The following ATRNL1 variants were observed in gnomAD, a reference collection of about 807,000 sequenced individuals.
The protein encoded by ATRNL1 is attractin-like protein 1.
In ATRNL1, 95 loss-of-function variants were observed where a neutral mutation model predicts 182.7. The ratio of observed to expected loss-of-function variants is 0.52; its 90% CI spans 0.44 to 0.62. ATRNL1 has a LOEUF of 0.62. Among genes scored for constraint, ATRNL1 ranks in the 20% least tolerant of loss-of-function variants. The pLI is 0.00. For missense variants in ATRNL1, 1,471 were observed against 1,679.5 expected, an observed-to-expected ratio of 0.88 and a Z score of 2.17; for synonymous variants, 576 against 568.3, an observed-to-expected ratio of 1.01 and a Z score of -0.19.
At chr10:115,634,526 TAGTCCATTAAGCCTA>T (rs1478287350) in intron 26 of ATRNL1, among the ~76,000 whole-genome samples, 1 of 152,134 alleles carries the variant, frequency 6.6e-6, no homozygotes, top group African/African-American at 2.4e-5. Flanking sequence ...TATAATTTAA[TAGTCCATTAAGCCTA>T]ATGGAGTTAT....
intron 20 of ATRNL1, 82 bp downstream of exon 20, chr10:115,394,834 A>C: frequency 9.2e-7 from 1 of 1,082,214 alleles, no homozygotes; most frequent in East Asian, 2.5e-5. Flanking sequence ...TTTTTAATTT[A>C]GTGTTGTGCT....
At chr10:115,560,718 GA>G (rs1554999214) in intron 26 of ATRNL1, among the ~76,000 whole-genome samples, 1 of 146,654 alleles carries the variant, frequency 6.8e-6, no homozygotes, top group Non-Finnish European at 1.5e-5. Flanking sequence ...AAACATTCTT[GA>G]AAAAGAACAA....
chr10:115,850,147 G>A lies in ATRNL1; in HGVS notation c.4018+2156G>A, dbSNP rs533268971. Among the ~76,000 whole-genome samples, 5 of 152,260 alleles carry A rather than the reference G, an allele frequency of 3.3e-5. No homozygotes were observed. In the East Asian group the frequency reaches 9.7e-4, roughly 29 times the overall value. On this transcript the variant is annotated intron_variant, in intron 28 of 28. Coordinates refer to ENST00000355044, the MANE Select transcript of ATRNL1 (RefSeq NM_207303.4). ...TTATCTGCATCAATTTGGAAGATGGGTAAGAGGGGTAGATGGACTGATATG... is the reference window on the plus strand; with the variant it reads ...TTATCTGCATCAATTTGGAAGATGGATAAGAGGGGTAGATGGACTGATATG...
chr10:115,734,974 A>C (rs1481871598), intron 27 of ATRNL1, among the ~76,000 whole-genome samples: 1 of 152,142 alleles, frequency 6.6e-6, no homozygotes, highest in Non-Finnish European at 1.5e-5. Flanking sequence ...CCAATTTAAG[A>C]ACAATTTAAA....
intron 5 of ATRNL1, among the ~76,000 whole-genome samples, chr10:115,141,420 C>G (rs782559285): frequency 2.0e-5 from 3 of 151,990 alleles, no homozygotes; most frequent in Non-Finnish European, 2.9e-5. Flanking sequence ...TTGTTTCAAT[C>G]CTTTGGTTTT....
At chr10:115,799,545 C>A (rs1555083841) in intron 27 of ATRNL1, among the ~76,000 whole-genome samples, 1 of 152,202 alleles carries the variant, frequency 6.6e-6, no homozygotes, top group African/African-American at 2.4e-5. Flanking sequence ...CGAAGAGATT[C>A]CTGGAATCAC....
At chr10:115,676,803 C>T (rs1344942784) in intron 26 of ATRNL1, among the ~76,000 whole-genome samples, 1 of 151,844 alleles carries the variant, frequency 6.6e-6, no homozygotes, top group Non-Finnish European at 1.5e-5. Context: ...ACAAGCAGAG[C>T]AGGATGGCTG....
intron 27 of ATRNL1, among the ~76,000 whole-genome samples, chr10:115,766,696 C>T (rs1441165432): frequency 6.6e-6 from 1 of 152,132 alleles, no homozygotes; most frequent in Non-Finnish European, 1.5e-5. Context: ...ATATGAAATC[C>T]ACAATCAAGT....
At chr10:115,238,177 C>T (rs1554901942) in intron 9 of ATRNL1, among the ~76,000 whole-genome samples, 1 of 152,118 alleles carries the variant, frequency 6.6e-6, no homozygotes, top group East Asian at 1.9e-4. Context: ...TGATGTCAAT[C>T]TTTGACTTTG....
intron 12 of ATRNL1, 42 bp downstream of exon 12, chr10:115,267,047 C>A (rs782771776): frequency 7.3e-7 from 1 of 1,372,348 alleles, no homozygotes; most frequent in Non-Finnish European, 1.0e-6. Flanking sequence ...AGCAAAATTT[C>A]TCTTCTACAG....
At chr10:115,262,823 C>T (rs568656094) in intron 10 of ATRNL1, among the ~76,000 whole-genome samples, 2 of 151,994 alleles carry the variant, frequency 1.3e-5, no homozygotes, top group East Asian at 3.9e-4. Context: ...AAAATCAAAC[C>T]ATTCATCAGA....
At chr10:115,847,578 A>G (rs1334760460) in intron 27 of ATRNL1, among the ~76,000 whole-genome samples, 2 of 152,142 alleles carry the variant, frequency 1.3e-5, no homozygotes, top group African/African-American at 4.8e-5. Flanking sequence ...ACTTAATTAG[A>G]TAAACTATGC....
intron 28 of ATRNL1, among the ~76,000 whole-genome samples, chr10:115,944,135 A>C (rs1555124871): frequency 2.0e-5 from 3 of 151,784 alleles, no homozygotes; most frequent in African/African-American, 7.3e-5. Context: ...ATTTGTCAAA[A>C]CCAATGGAAC....
intron 27 of ATRNL1, among the ~76,000 whole-genome samples, chr10:115,831,280 G>A (rs181121873): frequency 3.1e-4 from 47 of 152,110 alleles, no homozygotes; most frequent in African/African-American, 1.1e-3. Context: ...AGCACCTCCC[G>A]GCCTCCTTCC....
At position 115,505,390 on chromosome 10, in the gene ATRNL1, G is replaced by T. The variant is rs549214255; in HGVS notation, c.3655-13873G>T. Among the ~76,000 whole-genome samples the T allele has an allele frequency of 1.2e-4, 18 of 152,162 alleles. 1 individual carries two copies. The highest frequency in any genetic ancestry group is 6.2e-4 in the South Asian group (3 of 4,830). ...TTAAAACCCAAAAGTAGCCTCTGTT[G>T]TAATAGGTATTTTAGTTAAAAAAAT... On this transcript the variant is annotated intron_variant, in intron 24 of 28. Transcript: ENST00000355044.
At chr10:115,543,030 G>A (rs1215569583) in intron 25 of ATRNL1, among the ~76,000 whole-genome samples, 1 of 152,140 alleles carries the variant, frequency 6.6e-6, no homozygotes, top group Non-Finnish European at 1.5e-5. Flanking sequence ...ACACTGGGGG[G>A]TTAGGGCTTT....
At chr10:115,198,585 T>C (rs1020350814) in intron 8 of ATRNL1, among the ~76,000 whole-genome samples, 4 of 152,196 alleles carry the variant, frequency 2.6e-5, no homozygotes, top group African/African-American at 9.6e-5. Flanking sequence ...CTTTACCCAA[T>C]GAATGTCATT....
intron 8 of ATRNL1, among the ~76,000 whole-genome samples, chr10:115,200,447 A>G (rs1400455818): frequency 7.0e-6 from 1 of 142,646 alleles, no homozygotes; most frequent in Non-Finnish European, 1.5e-5. Flanking sequence ...CTCATTGTTC[A>G]ATTCCCATCT....
chr10:115,528,933 T>C (rs782480473), intron 25 of ATRNL1, among the ~76,000 whole-genome samples: 1 of 152,150 alleles, frequency 6.6e-6, no homozygotes, highest in Non-Finnish European at 1.5e-5. Context: ...CAAGTTTTTC[T>C]TCTGTTTTTG....
Sources: allele counts gnomAD v4.1 joint callset (sites outside exome capture counted in the v4.1 genomes callset), GRCh38; gene constraint gnomAD v4.1.1; transcripts MANE v1.5; gene names NCBI Gene and HGNC (gene_info 2026-07-23, HGNC 2026-07-21).